PBRM1: variants seen among roughly 807,000 people sequenced by gnomAD.
PBRM1 encodes the protein protein polybromo-1.
PBRM1 carries 27 observed loss-of-function variants against 194.5 expected under a neutral mutation model. The ratio of observed to expected loss-of-function variants is 0.14; its 90% CI spans 0.10 to 0.19. The LOEUF is 0.19. Among genes scored for constraint, PBRM1 ranks in the 10% least tolerant of loss-of-function variants. The pLI is 1.00. For missense variants in PBRM1, 1,466 were observed against 2,077.2 expected (o/e 0.71, Z 5.72); for synonymous variants, 655 against 693.2 (o/e 0.94, Z 0.87).
At chr3:52,666,766 C>A (rs758490463) in intron 3 of PBRM1, among the ~76,000 whole-genome samples, 2 of 151,394 alleles carry the variant, frequency 1.3e-5, no homozygotes, top group Non-Finnish European at 2.9e-5. Flanking sequence ...ATGGTGCGCA[C>A]CTGTAGTCCC....
chr3:52,591,918 C>T (rs1399231546), intron 17 of PBRM1, among the ~76,000 whole-genome samples: 39 of 148,014 alleles, frequency 2.6e-4, no homozygotes, highest in African/African-American at 9.0e-4. Flanking sequence ...CCTCTGCCTC[C>T]CAGGTTCAAG....
chr3:52,681,070 G>A (rs899385775), upstream of PBRM1: 4 of 151,214 alleles, frequency 2.6e-5, no homozygotes, highest in Non-Finnish European at 5.9e-5. Context: ...GCTTTTCCAT[G>A]TGCCTTACAA....
At chr3:52,679,596 G>C (rs2154065862) in exon 1 of PBRM1, 1 of 1,613,454 alleles carries the variant, frequency 6.2e-7, no homozygotes, top group Non-Finnish European at 8.5e-7. Context: ...TGGAAGATTG[G>C]AAAGTCTCCT....
chr3:52,663,233 T>G (rs1340106821), intron 3 of PBRM1, among the ~76,000 whole-genome samples: 1 of 152,174 alleles, frequency 6.6e-6, no homozygotes, highest in African/African-American at 2.4e-5. Flanking sequence ...AACCAAGCTT[T>G]CATTTCCAAG....
chr3:52,602,019 T>C (rs1035949101), intron 17 of PBRM1, among the ~76,000 whole-genome samples: 7 of 152,128 alleles, frequency 4.6e-5, no homozygotes, highest in Non-Finnish European at 8.8e-5. Flanking sequence ...GTATCACTAA[T>C]TGTCAATTGG....
At chr3:52,636,888 T>G (rs2095844749) in intron 10 of PBRM1, among the ~76,000 whole-genome samples, 1 of 150,128 alleles carries the variant, frequency 6.7e-6, no homozygotes. Context: ...TAATTATGTG[T>G]TAAGAGCTTG....
chr3:52,664,391 A>C (rs2096786023), intron 3 of PBRM1, among the ~76,000 whole-genome samples: 1 of 148,812 alleles, frequency 6.7e-6, no homozygotes, highest in Non-Finnish European at 1.5e-5. Flanking sequence ...AAGAGATTTC[A>C]CCAAGAAAAT....
chr3:52,606,927 T>C (rs998541481), intron 16 of PBRM1, among the ~76,000 whole-genome samples: 1 of 152,226 alleles, frequency 6.6e-6, no homozygotes, highest in African/African-American at 2.4e-5. Flanking sequence ...AATTTTTCTC[T>C]TGTTACGTCT....
At position 52,555,637 on chromosome 3, in the gene PBRM1, A is replaced by G. The variant is rs1035409082; in HGVS notation, c.4454-758T>C. ...ATGGCTGGAGAATTGGGCTCTGCTG[A>G]TATGAGAAAATGCCAAATGCCATCA... On this transcript the variant is annotated intron_variant, in intron 26 of 29. Transcript: ENST00000296302. Among the ~76,000 whole-genome samples, 6 of 152,210 alleles carry G rather than the reference A, an allele frequency of 3.9e-5. 1 individual carries two copies. The highest frequency in any genetic ancestry group is 2.9e-5 in the Non-Finnish European group (2 of 68,034).
intron 22 of PBRM1, among the ~76,000 whole-genome samples, chr3:52,566,029 G>C (rs1575689102): frequency 6.6e-6 from 1 of 151,262 alleles, no homozygotes; most frequent in East Asian, 2.0e-4. Context: ...CAGCCTGGGC[G>C]AAAGAGCGAG....
chr3:52,614,865 C>T (rs1246340150), intron 15 of PBRM1, among the ~76,000 whole-genome samples: 1 of 152,176 alleles, frequency 6.6e-6, no homozygotes, highest in East Asian at 1.9e-4. Context: ...GTCACTGTTC[C>T]TGGCCTTCAC....
chr3:52,661,838 T>C (rs1046821697), intron 4 of PBRM1, among the ~76,000 whole-genome samples: 1 of 152,216 alleles, frequency 6.6e-6, no homozygotes, highest in Non-Finnish European at 1.5e-5. Flanking sequence ...AATGTAGCAA[T>C]ACTGGACTAA....
intron 19 of PBRM1, 23 bp downstream of exon 21, chr3:52,587,328 CTT>C (rs758892725): frequency 6.5e-7 from 1 of 1,537,284 alleles, no homozygotes; most frequent in South Asian, 1.2e-5. Flanking sequence ...ATGAGTGAGA[CTT>C]TGGGATTTAA....
chr3:52,570,616 A>G (rs983646874), intron 22 of PBRM1, among the ~76,000 whole-genome samples: 9 of 152,320 alleles, frequency 5.9e-5, no homozygotes, highest in African/African-American at 2.2e-4. Flanking sequence ...CAAGCCCCCA[A>G]AAGACAGGGA....
exon 1 of PBRM1, chr3:52,685,785 A>C: frequency 3.6e-5 from 9 of 252,556 alleles, no homozygotes; most frequent in Non-Finnish European, 4.4e-5. Flanking sequence ...GGCCGCGGTC[A>C]CCGACCGCCG....
At chr3:52,584,859 C>T (rs1223411524) in intron 20 of PBRM1, among the ~76,000 whole-genome samples, 1 of 151,980 alleles carries the variant, frequency 6.6e-6, no homozygotes, top group African/African-American at 2.4e-5. Context: ...GCCCCTTTGT[C>T]CAGTGTGTAA....
chr3:52,596,054 T>C (rs2093505242), intron 17 of PBRM1, among the ~76,000 whole-genome samples: 1 of 152,224 alleles, frequency 6.6e-6, no homozygotes, highest in African/African-American at 2.4e-5. Context: ...AGCTCTATAA[T>C]ATAAATTGAA....
intron 6 of PBRM1, 95 bp downstream of exon 7, chr3:52,651,647 G>C (rs2096495810): frequency 3.3e-6 from 2 of 614,110 alleles, no homozygotes; most frequent in East Asian, 5.7e-5. Context: ...CCCTTACAGA[G>C]ACAACTAGCT....
chr3:52,557,687 G>A lies in PBRM1; in HGVS notation c.4453+562C>T, dbSNP rs2082501231. On this transcript the variant is annotated intron_variant, in intron 26 of 29. Coordinates refer to ENST00000296302, the Ensembl canonical transcript of PBRM1. ...AAATGCAGTTTAATGTAATTAAATA[G>A]AAAAGCATTACAGAGTGGGCACAAT... is the stretch of plus-strand genomic sequence containing the variant. Among the ~76,000 whole-genome samples the A allele has an allele frequency of 3.3e-5, 5 of 151,662 alleles. No individual in the cohort carries two copies. In the South Asian group the frequency reaches 1.0e-3, roughly 31 times the overall value.
Sources: gnomAD v4.1 joint callset for allele counts (sites outside exome capture counted in the v4.1 genomes callset) on GRCh38, gnomAD v4.1.1 for gene constraint, MANE v1.5 for transcripts, NCBI Gene and HGNC (gene_info 2026-07-23, HGNC 2026-07-21) for gene names.